The following CNBD1 variants were observed in gnomAD, a reference collection of about 807,000 sequenced individuals.
The protein encoded by CNBD1 is cyclic nucleotide binding domain containing 1, also known as cyclic nucleotide-binding domain-containing protein 1.
In CNBD1, 71 loss-of-function variants were observed where a neutral mutation model predicts 54.4. That is an observed-to-expected ratio of 1.30 (90% CI 1.08 to 1.59). The LOEUF is 1.59. CNBD1 is among the 40% of genes most tolerant of loss of function. CNBD1 has a pLI of 0.00. For missense variants in CNBD1, 659 were observed against 518.0 expected (o/e 1.27, Z -2.64); for synonymous variants, 182 against 170.7 (o/e 1.07, Z -0.51).
chr8:87,375,370 AAGTT>A (rs901647256), intron 10 of CNBD1, among the ~76,000 whole-genome samples: 4 of 151,846 alleles, frequency 2.6e-5, no homozygotes, highest in African/African-American at 9.7e-5. Context: ...AGAAAGCAAA[AAGTT>A]AGACAAACCA....
At chr8:87,299,960 A>G (rs554149938) in intron 8 of CNBD1, among the ~76,000 whole-genome samples, 84 of 152,266 alleles carry the variant, frequency 5.5e-4, no homozygotes, top group African/African-American at 2.0e-3. Flanking sequence ...TTGGATTATA[A>G]ATAGGGCCAA....
chr8:87,316,201 G>A (rs767849475), intron 8 of CNBD1, among the ~76,000 whole-genome samples: 17 of 151,846 alleles, frequency 1.1e-4, no homozygotes, highest in Non-Finnish European at 2.2e-4. Flanking sequence ...ACATAAAAAA[G>A]AAATTGTTTT....
At chr8:87,255,097 A>G (rs536481816) in intron 6 of CNBD1, among the ~76,000 whole-genome samples, 35 of 152,140 alleles carry the variant, frequency 2.3e-4, no homozygotes, top group Non-Finnish European at 4.4e-4. Context: ...GTAGAGGACA[A>G]GTCTGTCTAC....
intron 4 of CNBD1, among the ~76,000 whole-genome samples, chr8:87,000,345 T>C (rs1586190172): frequency 2.0e-5 from 3 of 152,274 alleles, no homozygotes; most frequent in Admixed American, 2.0e-4. Context: ...ACTTGAGGCC[T>C]CCCCAGCCAT....
chr8:86,876,614 T>C (rs1444542899), intron 1 of CNBD1, among the ~76,000 whole-genome samples: 1 of 151,866 alleles, frequency 6.6e-6, no homozygotes, highest in East Asian at 1.9e-4. Context: ...AATTTTCTTG[T>C]ACTACTTGAG....
intron 3 of CNBD1, among the ~76,000 whole-genome samples, chr8:86,938,207 A>G (rs1352193859): frequency 1.3e-5 from 2 of 152,176 alleles, no homozygotes; most frequent in Admixed American, 1.3e-4. Flanking sequence ...CCTCATCTCC[A>G]TCTGAGACCA....
intron 4 of CNBD1, among the ~76,000 whole-genome samples, chr8:87,165,579 C>T (rs1812945150): frequency 1.3e-5 from 2 of 151,828 alleles, no homozygotes; most frequent in African/African-American, 4.8e-5. Flanking sequence ...CCCTTGCTTT[C>T]TTTTGGTTAA....
intron 3 of CNBD1, among the ~76,000 whole-genome samples, chr8:86,920,104 TA>T (rs1809247927): frequency 1.3e-5 from 2 of 152,194 alleles, no homozygotes; most frequent in African/African-American, 4.8e-5. Flanking sequence ...TTCATTCATC[TA>T]AGGGCTTATT....
intron 4 of CNBD1, among the ~76,000 whole-genome samples, chr8:86,958,709 A>T (rs1227820161): frequency 6.6e-6 from 1 of 151,878 alleles, no homozygotes; most frequent in Non-Finnish European, 1.5e-5. Flanking sequence ...CTTTATTTTC[A>T]GCCTATGTGT....
chr8:86,897,885 C>A (rs1388434288), intron 2 of CNBD1, among the ~76,000 whole-genome samples: 1 of 152,016 alleles, frequency 6.6e-6, no homozygotes, highest in African/African-American at 2.4e-5. Context: ...AGAGAAGCAC[C>A]CACACATAAA....
chr8:87,305,643 C>T (rs1206339407), intron 8 of CNBD1, among the ~76,000 whole-genome samples: 1 of 152,016 alleles, frequency 6.6e-6, no homozygotes, highest in Non-Finnish European at 1.5e-5. Context: ...CAAACGAAAA[C>T]ATAAAGTAGG....
intron 8 of CNBD1, among the ~76,000 whole-genome samples, chr8:87,298,027 T>TATATATATATATATATATTCCACATA (rs1563542094): frequency 2.0e-5 from 3 of 151,776 alleles, no homozygotes; most frequent in Admixed American, 6.6e-5. Flanking sequence ...AGCTTTATTA[T>TATATATATATATATATATTCCACATA]TAATATAGAT....
chr8:87,360,677 T>C (rs1810507974), intron 10 of CNBD1, among the ~76,000 whole-genome samples: 1 of 151,966 alleles, frequency 6.6e-6, no homozygotes, highest in Admixed American at 6.6e-5. Context: ...TTTTTATCTA[T>C]AAAATGAATT....
At chr8:87,221,957 A>G (rs753332599) in intron 5 of CNBD1, among the ~76,000 whole-genome samples, 7 of 152,090 alleles carry the variant, frequency 4.6e-5, no homozygotes, top group Non-Finnish European at 1.0e-4. Context: ...TTAGAAGAGG[A>G]AAAATTGGAC....
chr8:87,188,554 A>T (rs1244466699), intron 4 of CNBD1, among the ~76,000 whole-genome samples: 3 of 151,966 alleles, frequency 2.0e-5, no homozygotes, highest in Non-Finnish European at 1.5e-5. Context: ...ACATGGCGAA[A>T]CCCCATCTCT....
intron 4 of CNBD1, among the ~76,000 whole-genome samples, chr8:87,005,207 T>TA (rs1367454916): frequency 2.6e-5 from 4 of 151,922 alleles, no homozygotes; most frequent in African/African-American, 9.7e-5. Flanking sequence ...CGGTCTCTAC[T>TA]AAAAATATAA....
At chr8:87,189,329 T>TTTTG (rs1343656060) in intron 4 of CNBD1, among the ~76,000 whole-genome samples, 6 of 152,222 alleles carry the variant, frequency 3.9e-5, no homozygotes, top group Non-Finnish European at 5.9e-5. Context: ...TTTTCAAGTT[T>TTTTG]GGCATCGGAA....
intron 4 of CNBD1, among the ~76,000 whole-genome samples, chr8:86,946,980 A>T (rs1293052903): frequency 6.6e-6 from 1 of 152,132 alleles, no homozygotes; most frequent in Non-Finnish European, 1.5e-5. Flanking sequence ...TTACCTCATG[A>T]TATGAAGAAC....
At chr8:87,080,655 T>A (rs1472695477) in intron 4 of CNBD1, among the ~76,000 whole-genome samples, 1 of 152,186 alleles carries the variant, frequency 6.6e-6, no homozygotes, top group Non-Finnish European at 1.5e-5. Context: ...TAGTTAAATA[T>A]GTTGTAGACT....
Sources: gnomAD v4.1 joint callset for allele counts (sites outside exome capture counted in the v4.1 genomes callset) on GRCh38, gnomAD v4.1.1 for gene constraint, MANE v1.5 for transcripts, NCBI Gene and HGNC (gene_info 2026-07-23, HGNC 2026-07-21) for gene names.